DMD: variants seen among roughly 807,000 people sequenced by gnomAD.
DMD encodes the protein dystrophin.
A neutral mutation model predicts 330.1 loss-of-function variants in DMD; 63 were observed. That is an observed-to-expected ratio of 0.19 (90% CI 0.16 to 0.24). The LOEUF is 0.24. DMD is among the 10% of genes least tolerant of loss of function. The pLI is 1.00. For synonymous variants in DMD, 1,223 were observed against 959.8 expected (o/e 1.27, Z -5.07); for missense variants, 3,344 against 2,684.1 (o/e 1.25, Z -5.43).
chrX:32,405,073 G>C (rs1377227364), intron 30 of DMD, among the ~76,000 whole-genome samples: 1 of 111,502 alleles, frequency 9.0e-6, no homozygotes, highest in African/African-American at 3.3e-5. Context: ...AAGAGTGATA[G>C]AAAATGTCGT....
At chrX:31,681,881 G>A (rs965819130) in intron 52 of DMD, among the ~76,000 whole-genome samples, 2 of 112,296 alleles carry the variant, frequency 1.8e-5, no homozygotes, top group Non-Finnish European at 3.8e-5. Context: ...GGATCATGAG[G>A]TCAGGAGTTC....
chrX:33,297,125 A>C (rs2148934842), intron 1 of DMD, among the ~76,000 whole-genome samples: 1 of 111,550 alleles, frequency 9.0e-6, no homozygotes, highest in South Asian at 3.7e-4. Flanking sequence ...TTAAATTTAA[A>C]CCAAATTAAT....
intron 17 of DMD, among the ~76,000 whole-genome samples, chrX:32,532,252 A>C (rs1465682917): frequency 8.9e-6 from 1 of 112,037 alleles, no homozygotes; most frequent in Non-Finnish European, 1.9e-5. Flanking sequence ...AAGATAATCA[A>C]GTGTTGCCAT....
At chrX:31,246,130 C>G (rs57718642) in intron 63 of DMD, among the ~76,000 whole-genome samples, 2 of 112,253 alleles carry the variant, frequency 1.8e-5, no homozygotes, top group African/African-American at 6.5e-5. Context: ...AGCCTTATTC[C>G]TGATATGGAG....
chrX:32,783,315 GTA>G (rs748085263), intron 7 of DMD, among the ~76,000 whole-genome samples: 3,700 of 93,374 alleles, frequency 0.04, 218 homozygotes, highest in African/African-American at 0.14. Context: ...CACATATATG[GTA>G]TATATATACA....
At chrX:31,300,549 A>G (rs1288394612) in intron 62 of DMD, among the ~76,000 whole-genome samples, 1 of 111,961 alleles carries the variant, frequency 8.9e-6, no homozygotes, top group African/African-American at 3.2e-5. Context: ...TCAAAAATGT[A>G]AAGTAGGAAG....
intron 17 of DMD, among the ~76,000 whole-genome samples, chrX:32,525,839 G>T (rs1482633500): frequency 8.9e-6 from 1 of 111,891 alleles, no homozygotes; most frequent in Non-Finnish European, 1.9e-5. Flanking sequence ...TCATTCAGAT[G>T]CAACTCAGTT....
In DMD at chrX:31,913,728, A is replaced by C. The variant is rs1178256262; in HGVS notation, c.6912+15868T>G. Among the ~76,000 whole-genome samples, 10 of 98,726 alleles carry C rather than the reference A, an allele frequency of 1.0e-4. No individual in the cohort carries two copies. The South Asian group carries it at 2.0e-3, about 20-fold the overall frequency. The allele number at this position is 98,726 out of a possible 115,157, so 85.7% of individuals were successfully genotyped here. A position where few individuals can be genotyped will look rare whatever the true frequency, so the allele number is the denominator to read the frequency against. ...CCAGAGGAAGATTTTGAAAAAAAAC[A>C]AAAACAAAAACAAAACAAAACAAAA... On this transcript the variant is annotated intron_variant, in intron 47 of 78. Transcript: ENST00000357033.
At chrX:32,859,811 C>A (rs1407830287) in intron 2 of DMD, among the ~76,000 whole-genome samples, 2 of 111,231 alleles carry the variant, frequency 1.8e-5, no homozygotes, top group Non-Finnish European at 3.8e-5. Flanking sequence ...ATCCTAAGAA[C>A]AATATTTTTT....
intron 9 of DMD, among the ~76,000 whole-genome samples, chrX:32,678,894 C>T (rs1225559706): frequency 9.0e-6 from 1 of 111,457 alleles, no homozygotes; most frequent in Admixed American, 9.6e-5. Context: ...ATATAATTTG[C>T]ATAAGTTAAT....
At chrX:31,142,711 G>A (rs893318378) in intron 76 of DMD, among the ~76,000 whole-genome samples, 1 of 112,259 alleles carries the variant, frequency 8.9e-6, no homozygotes, top group Non-Finnish European at 1.9e-5. Flanking sequence ...GAGATAAGGA[G>A]TTGTCTGGAC....
At chrX:32,965,490 T>G (rs1602271549) in intron 2 of DMD, among the ~76,000 whole-genome samples, 1 of 70,877 alleles carries the variant, frequency 1.4e-5, no homozygotes, top group Non-Finnish European at 2.5e-5. Context: ...CGAGACTCTG[T>G]CTCAAAAAAA....
intron 60 of DMD, among the ~76,000 whole-genome samples, chrX:31,362,595 T>C (rs2058995847): frequency 8.9e-6 from 1 of 112,701 alleles, no homozygotes; most frequent in Non-Finnish European, 1.9e-5. Flanking sequence ...TTAACTTGTT[T>C]TCCGATCTAA....
rs759336067 is a variant in DMD, at chrX:31,298,418, CACACACACACACAT to C, written c.9224+25166_9224+25179del. ...ACACACACACACACACATACACACA[CACACACACACACAT>C]ACACACACACACATACAGAGTAATA... On this transcript the variant is annotated intron_variant, in intron 62 of 78. Transcript: ENST00000357033. Among the ~76,000 whole-genome samples, 37 of 106,974 alleles carry C rather than the reference CACACACACACACAT, an allele frequency of 3.5e-4. No homozygotes were observed. The East Asian group carries it at 7.1e-3, about 21-fold the overall frequency. 92.9% of individuals were successfully genotyped at this position (106,974 alleles called of 115,157 possible). A position where few individuals can be genotyped will look rare whatever the true frequency, so the allele number is the denominator to read the frequency against.
intron 1 of DMD, among the ~76,000 whole-genome samples, chrX:33,322,923 A>G: frequency 9.0e-6 from 1 of 111,149 alleles, no homozygotes; most frequent in Non-Finnish European, 1.9e-5. Context: ...GTATTACTTT[A>G]TGTCGTTTTT....
chrX:32,880,826 C>T (rs907494792), intron 2 of DMD, among the ~76,000 whole-genome samples: 3 of 112,235 alleles, frequency 2.7e-5, no homozygotes, highest in African/African-American at 3.2e-5. Flanking sequence ...TGCCTGTAAT[C>T]CCAGCTACTC....
chrX:32,838,963 G>A (rs2042120677), intron 4 of DMD, among the ~76,000 whole-genome samples: 1 of 112,023 alleles, frequency 8.9e-6, no homozygotes, highest in African/African-American at 3.3e-5. Context: ...CTACTATGAA[G>A]ACACATGCAC....
intron 52 of DMD, among the ~76,000 whole-genome samples, chrX:31,706,732 G>T (rs1182419080): frequency 8.9e-6 from 1 of 112,125 alleles, no homozygotes; most frequent in Non-Finnish European, 1.9e-5. Flanking sequence ...TGCTCCTATG[G>T]TTTTCTCTTG....
intron 1 of DMD, among the ~76,000 whole-genome samples, chrX:33,058,296 C>T (rs1200383058): frequency 9.1e-6 from 1 of 110,355 alleles, no homozygotes; most frequent in Non-Finnish European, 1.9e-5. Context: ...TTAATTTCTC[C>T]CCTTTTTTGA....
Sources: allele counts gnomAD v4.1 joint callset (sites outside exome capture counted in the v4.1 genomes callset), GRCh38; gene constraint gnomAD v4.1.1; transcripts MANE v1.5; gene names NCBI Gene and HGNC (gene_info 2026-07-23, HGNC 2026-07-21).